The following LMBR1 variants were observed in gnomAD, a reference collection of about 807,000 sequenced individuals.
The protein encoded by LMBR1 is limb region 1 protein homolog.
LMBR1 carries 52 observed loss-of-function variants against 73.9 expected under a neutral mutation model. The ratio of observed to expected loss-of-function variants is 0.70; its 90% CI spans 0.56 to 0.89. LMBR1 has a LOEUF of 0.89. Ranked by LOEUF, LMBR1 falls within the 40% of genes least tolerant of loss-of-function variation. The pLI is 0.00. For synonymous variants in LMBR1, 215 were observed against 209.4 expected, an observed-to-expected ratio of 1.03 and a Z score of -0.23; for missense variants, 539 against 579.8, an observed-to-expected ratio of 0.93 and a Z score of 0.72.
chr7:156,764,688 A>G (rs1823765201), intron 5 of LMBR1, among the ~76,000 whole-genome samples: 1 of 152,232 alleles, frequency 6.6e-6, no homozygotes, highest in South Asian at 2.1e-4. Flanking sequence ...TTTAACATAA[A>G]AATATGAGTT....
At chr7:156,722,191 A>G (rs890180366) in intron 15 of LMBR1, among the ~76,000 whole-genome samples, 4 of 152,122 alleles carry the variant, frequency 2.6e-5, no homozygotes, top group African/African-American at 4.8e-5. Context: ...CTGATTTCAC[A>G]GGAGCAAAGG....
intron 16 of LMBR1, among the ~76,000 whole-genome samples, chr7:156,687,530 T>C (rs868555522): frequency 5.3e-5 from 8 of 152,224 alleles, no homozygotes; most frequent in Admixed American, 3.3e-4. Flanking sequence ...GTAAATCCCC[T>C]CTCTTCTATT....
intron 1 of LMBR1, among the ~76,000 whole-genome samples, chr7:156,872,885 T>C (rs907159936): frequency 4.6e-5 from 7 of 152,152 alleles, no homozygotes; most frequent in Admixed American, 4.6e-4. Context: ...AAAGACGCTC[T>C]GAAAGAAGCA....
intron 1 of LMBR1, among the ~76,000 whole-genome samples, chr7:156,877,553 A>C (rs1800363688): frequency 6.6e-6 from 1 of 152,198 alleles, no homozygotes; most frequent in Non-Finnish European, 1.5e-5. Context: ...CACCATGATC[A>C]AGTGGGTTTC....
At chr7:156,750,684 T>G (rs1024040517) in intron 9 of LMBR1, among the ~76,000 whole-genome samples, 2 of 152,222 alleles carry the variant, frequency 1.3e-5, no homozygotes, top group Non-Finnish European at 2.9e-5. Flanking sequence ...TTAATTTACT[T>G]ATGGGACAAA....
In LMBR1 at chr7:156,835,913, TTCTC is replaced by T. The variant is rs1837566618; in HGVS notation, c.139+896_139+899del. Among the ~76,000 whole-genome samples the T allele has an allele frequency of 2.0e-5, 3 of 152,200 alleles. 1 individual carries two copies. In the South Asian group the frequency reaches 6.2e-4, roughly 32 times the overall value. ...TGATGCATTTATATACATTCATTCT[TTCTC>T]TCTCCCTCCTTCTGTGTCTACAGTT... On this transcript the variant is annotated intron_variant, in intron 2 of 16. Coordinates refer to ENST00000353442, the MANE Select transcript of LMBR1 (RefSeq NM_022458.4).
chr7:156,708,280 T>C (rs1319404409), intron 15 of LMBR1, among the ~76,000 whole-genome samples: 10 of 152,308 alleles, frequency 6.6e-5, no homozygotes, highest in Admixed American at 1.3e-4. Context: ...CAGCATATCA[T>C]TGCAAATTCC....
chr7:156,776,655 G>C (rs1826188527), intron 5 of LMBR1, among the ~76,000 whole-genome samples: 1 of 151,974 alleles, frequency 6.6e-6, no homozygotes, highest in Admixed American at 6.6e-5. Flanking sequence ...CTTCCAACCA[G>C]TCTTCTCTTC....
At position 156,893,043 on chromosome 7, in the gene LMBR1, A is replaced by C. The variant is rs1803464555; in HGVS notation, c.-50T>G. ...CGCCCGCGTCCGCGTGCTCCGCCAC[A>C]CCATCGTCCGCCCGCCGCAGGGGCT... On this transcript the variant is annotated 5_prime_UTR_variant, in exon 1 of 17. Coordinates refer to ENST00000353442, the MANE Select transcript of LMBR1 (RefSeq NM_022458.4). 1.4e-6 allele frequency: 2 copies of C among 1,410,420 alleles called. No individual in the cohort carries two copies. The highest frequency in any genetic ancestry group is 3.0e-5 in the African/African-American group (2 of 67,186). 87.4% of individuals were successfully genotyped at this position (1,410,420 alleles called of 1,614,324 possible).
intron 15 of LMBR1, among the ~76,000 whole-genome samples, chr7:156,714,143 C>T (rs1812689321): frequency 6.6e-6 from 1 of 152,134 alleles, no homozygotes; most frequent in African/African-American, 2.4e-5. Context: ...AACCTCCCAC[C>T]GCATATGTGT....
rs1804639058 is a variant in LMBR1, at chr7:156,679,472, G to A, written c.*4606C>T. The A allele has an allele frequency of 6.6e-6, 1 of 152,060 alleles. No individual in the cohort carries two copies. Among genetic ancestry groups the A allele is most frequent in the Non-Finnish European group, 1.5e-5 (1 of 68,042 alleles). 9.4% of individuals were successfully genotyped at this position (152,060 alleles called of 1,614,324 possible). On this transcript the variant is annotated 3_prime_UTR_variant, in exon 17 of 17. Coordinates refer to ENST00000353442, the MANE Select transcript of LMBR1 (RefSeq NM_022458.4). ...GAACAACTGTGGATGACTTCAAGAT[G>A]CTGTTAAAGAGAAGTTGCAGAATCA...
At chr7:156,862,956 A>G (rs923766807) in intron 1 of LMBR1, among the ~76,000 whole-genome samples, 9 of 152,184 alleles carry the variant, frequency 5.9e-5, no homozygotes, top group African/African-American at 1.9e-4. Context: ...CCCACTGCAG[A>G]CCATGGGACT....
At chr7:156,686,423 A>C (rs10242938) in intron 16 of LMBR1, among the ~76,000 whole-genome samples, 1 of 152,154 alleles carries the variant, frequency 6.6e-6, no homozygotes, top group African/African-American at 2.4e-5. Context: ...TTTACAATCA[A>C]ATTACAAGTC....
intron 1 of LMBR1, among the ~76,000 whole-genome samples, chr7:156,884,369 C>T (rs779325020): frequency 2.0e-5 from 3 of 152,028 alleles, no homozygotes; most frequent in African/African-American, 7.2e-5. Context: ...CAAGACCACT[C>T]TGTAATCACT....
rs768344230 is a variant in LMBR1 at position 156,724,185 on chromosome 7, T to A, written c.1159-7A>T. 7.5e-6 allele frequency: 12 copies of A among 1,606,994 alleles called. No individual in the cohort carries two copies. The highest frequency in any genetic ancestry group is 2.2e-5 in the South Asian group (2 of 90,324). On this transcript the variant is annotated splice_polypyrimidine_tract_variant and splice_region_variant and intron_variant, in intron 14 of 16. Transcript: ENST00000353442. ...ACACACAATTTCCAATGATCTGTTA[T>A]GAGAAACGAGAAAGAATATTGGGCA...
chr7:156,863,542 T>C lies in LMBR1; in HGVS notation c.67-26657A>G, dbSNP rs1450015193. On this transcript the variant is annotated intron_variant, in intron 1 of 16. Transcript: ENST00000353442. ...CAAGTTGACACTCTATATTCCATCATGCTAATACACTCGGCAAGGTAAAAT... is the reference window on the plus strand; with the variant it reads ...CAAGTTGACACTCTATATTCCATCACGCTAATACACTCGGCAAGGTAAAAT... 1.3e-5 allele frequency among the ~76,000 whole-genome samples: 2 copies of C among 152,162 alleles called. 1 individual carries two copies. The highest frequency in any genetic ancestry group is 4.8e-5 in the African/African-American group (2 of 41,446).
chr7:156,877,987 T>C (rs1329284150), intron 1 of LMBR1, among the ~76,000 whole-genome samples: 1 of 151,948 alleles, frequency 6.6e-6, no homozygotes, highest in African/African-American at 2.4e-5. Context: ...AAAAAGCATT[T>C]AACAAAATCC....
At chr7:156,772,400 C>T (rs1210807827) in intron 5 of LMBR1, among the ~76,000 whole-genome samples, 1 of 152,164 alleles carries the variant, frequency 6.6e-6, no homozygotes, top group Non-Finnish European at 1.5e-5. Context: ...ATAATAAGAG[C>T]CATCTTTGAC....
intron 5 of LMBR1, among the ~76,000 whole-genome samples, chr7:156,782,788 T>C (rs887928357): frequency 1.3e-5 from 2 of 152,198 alleles, no homozygotes; most frequent in Non-Finnish European, 2.9e-5. Flanking sequence ...CAAGTGATCC[T>C]CCTGCCTCAG....
Sources: allele counts gnomAD v4.1 joint callset (sites outside exome capture counted in the v4.1 genomes callset), GRCh38; gene constraint gnomAD v4.1.1; transcripts MANE v1.5; gene names NCBI Gene and HGNC (gene_info 2026-07-23, HGNC 2026-07-21).